Variants in CNOT6 observed in about 807,000 individuals in gnomAD.
The protein encoded by CNOT6 is carbon catabolite repression 4 protein.
CNOT6 carries 12 observed loss-of-function variants against 61.2 expected under a neutral mutation model. That is an observed-to-expected ratio of 0.20 (90% confidence interval 0.13 to 0.32). The LOEUF is 0.32. Ranked by LOEUF, CNOT6 falls within the 10% of genes least tolerant of loss-of-function variation. CNOT6 has a pLI of 1.00. For synonymous variants in CNOT6, 225 were observed against 240.6 expected (o/e 0.94, Z 0.60); for missense variants, 405 against 663.9 (o/e 0.61, Z 4.28).
rs1472418016 is a variant in CNOT6 at position 180,514,454 on chromosome 5, C to T, written c.-2-14821C>T. On this transcript the variant is annotated intron_variant, in intron 1 of 11. Coordinates refer to ENST00000261951, the MANE Select transcript of CNOT6 (RefSeq NM_001370472.1). The stretch of plus-strand genomic sequence containing the variant: ...TCTGCTTCACAAAGAGCTTGTTTTA[C>T]TGAATTTTGCAGTGTAATTAGGACT... Among the ~76,000 whole-genome samples, 3 of 152,178 alleles carry T rather than the reference C, an allele frequency of 2.0e-5. No individual in the cohort carries two copies. The East Asian group carries it at 5.8e-4, about 29-fold the overall frequency.
At chr5:180,522,213 G>A (rs1245790002) in intron 1 of CNOT6, among the ~76,000 whole-genome samples, 5 of 151,906 alleles carry the variant, frequency 3.3e-5, no homozygotes, top group Admixed American at 2.6e-4. Context: ...CAAACTCCAT[G>A]TCCTAGGCTC....
Position 180,571,422 on chromosome 5 carries a change from T to A in CNOT6, c.1451T>A (p.Phe484Tyr), listed in dbSNP as rs777647540. The A allele has an allele frequency of 6.2e-7, 1 of 1,613,442 alleles. No homozygotes were observed. Among genetic ancestry groups the A allele is most frequent in the Non-Finnish European group, 8.5e-7 (1 of 1,179,370 alleles). ...SGLMPYTNYT[F>Y]DFKGIIDYIF... ...CTGATGCCTTACACGAATTACACATTTGATTTCAAGGTGTGTCTTGAGACT... is the reference window on the plus strand; with the variant it reads ...CTGATGCCTTACACGAATTACACATATGATTTCAAGGTGTGTCTTGAGACT... Residue 484 changes from phenylalanine (F) to tyrosine (Y), a missense_variant, in exon 11 of 12, where the codon TTT becomes TAT. Transcript: ENST00000261951.
chr5:180,536,061 T>A (rs1758680782), intron 2 of CNOT6, among the ~76,000 whole-genome samples: 1 of 133,684 alleles, frequency 7.5e-6, no homozygotes, highest in Non-Finnish European at 1.6e-5. Flanking sequence ...AGTGGTGTCA[T>A]CTCGGCTCAC....
chr5:180,543,386 A>T (rs1210643512), intron 2 of CNOT6, among the ~76,000 whole-genome samples: 3 of 152,322 alleles, frequency 2.0e-5, no homozygotes, highest in Non-Finnish European at 2.9e-5. Flanking sequence ...AACAAAAATG[A>T]AGTACCATGT....
At chr5:180,565,041 G>T (rs768398412) in intron 6 of CNOT6, among the ~76,000 whole-genome samples, 2 of 152,232 alleles carry the variant, frequency 1.3e-5, no homozygotes, top group African/African-American at 2.4e-5. Context: ...TGCTGCTGGC[G>T]TCTGGTGGAT....
At position 180,538,685 on chromosome 5, in the gene CNOT6, GGTATATATAT is replaced by G. The variant is rs1370889731; in HGVS notation, c.112+9298_112+9307del. On this transcript the variant is annotated intron_variant, in intron 2 of 11. Transcript: ENST00000261951. ...AGAGCGAGACTCTGTCTGAGAAAAA[GGTATATATAT>G]ATATATATATATATATATATACAAA... 5.3e-3 allele frequency among the ~76,000 whole-genome samples: 444 copies of G among 84,216 alleles called. 3 individuals carry two copies. The highest frequency in any genetic ancestry group is 0.022 in the East Asian group (27 of 1,250). The allele number at this position is 84,216 out of a possible 152,430, so 55.2% of individuals were successfully genotyped here.
intron 4 of CNOT6, among the ~76,000 whole-genome samples, chr5:180,562,779 T>TA (rs966687076): frequency 1.3e-5 from 2 of 151,954 alleles, no homozygotes; most frequent in African/African-American, 4.8e-5. Context: ...TCACTGTAGG[T>TA]CTGGTTAGAA....
At chr5:180,552,595 G>C (rs1244348030) in intron 3 of CNOT6, among the ~76,000 whole-genome samples, 3 of 150,430 alleles carry the variant, frequency 2.0e-5, no homozygotes, top group Non-Finnish European at 4.4e-5. Context: ...GCAGTGAGCC[G>C]AGATCGCATC....
chr5:180,519,880 C>T (rs568380332), intron 1 of CNOT6, among the ~76,000 whole-genome samples: 2 of 145,262 alleles, frequency 1.4e-5, no homozygotes, highest in African/African-American at 2.5e-5. Flanking sequence ...TATTGCCTAG[C>T]TGGAGTACAG....
intron 9 of CNOT6, 121 bp from the exon 10 acceptor site, chr5:180,568,989 A>C: frequency 4.3e-6 from 3 of 701,032 alleles, no homozygotes; most frequent in Non-Finnish European, 7.1e-6. Flanking sequence ...TCCGGTGGGA[A>C]TTTTAGGTGT....
chr5:180,559,936 A>G (rs1397562562), intron 4 of CNOT6, among the ~76,000 whole-genome samples: 1 of 151,316 alleles, frequency 6.6e-6, no homozygotes, highest in Non-Finnish European at 1.5e-5. Context: ...ATTTAGAATC[A>G]CATTAGTTTT....
chr5:180,535,569 A>G (rs1030505813), intron 2 of CNOT6, among the ~76,000 whole-genome samples: 16 of 152,204 alleles, frequency 1.1e-4, no homozygotes, highest in African/African-American at 3.6e-4. Flanking sequence ...ATTGTTGGAC[A>G]CTTAGGTTGA....
intron 3 of CNOT6, among the ~76,000 whole-genome samples, chr5:180,550,343 C>T (rs1483782324): frequency 2.0e-5 from 3 of 151,712 alleles, no homozygotes; most frequent in Admixed American, 2.0e-4. Flanking sequence ...CCCAGCTACT[C>T]GGGAGGCTGA....
intron 1 of CNOT6, among the ~76,000 whole-genome samples, chr5:180,497,868 A>G (rs990721272): frequency 2.0e-5 from 3 of 151,962 alleles, no homozygotes; most frequent in African/African-American, 7.3e-5. Context: ...AGATGGAGAA[A>G]CCCTGTCTCT....
intron 2 of CNOT6, among the ~76,000 whole-genome samples, chr5:180,532,522 C>G (rs1758445057): frequency 6.6e-6 from 1 of 152,104 alleles, no homozygotes; most frequent in Admixed American, 6.5e-5. Context: ...TTTCTTTGCT[C>G]TCACACCACC....
intron 1 of CNOT6, among the ~76,000 whole-genome samples, chr5:180,501,713 A>C (rs1235023813): frequency 6.6e-6 from 1 of 152,272 alleles, no homozygotes; most frequent in African/African-American, 2.4e-5. Context: ...GAGAGGACTA[A>C]GGGAACCCTA....
At chr5:180,525,284 C>CTTAA (rs1424754164) in intron 1 of CNOT6, among the ~76,000 whole-genome samples, 3 of 152,156 alleles carry the variant, frequency 2.0e-5, no homozygotes, top group African/African-American at 4.8e-5. Context: ...TGCCTCTAAT[C>CTTAA]TTAACACTTT....
At chr5:180,512,546 T>C (rs961025709) in intron 1 of CNOT6, among the ~76,000 whole-genome samples, 17 of 152,230 alleles carry the variant, frequency 1.1e-4, no homozygotes, top group Non-Finnish European at 1.5e-4. Context: ...TAAGTGGGTA[T>C]AGGACCAGAA....
At chr5:180,514,069 C>T (rs1047724963) in intron 1 of CNOT6, among the ~76,000 whole-genome samples, 1 of 151,972 alleles carries the variant, frequency 6.6e-6, no homozygotes, top group Non-Finnish European at 1.5e-5. Context: ...ATCAAATGGT[C>T]CTCCTGCCTC....
Sources: gnomAD v4.1 joint callset for allele counts (sites outside exome capture counted in the v4.1 genomes callset) on GRCh38, gnomAD v4.1.1 for gene constraint, MANE v1.5 for transcripts, NCBI Gene and HGNC (gene_info 2026-07-23, HGNC 2026-07-21) for gene names.